KLF12: variants seen among roughly 807,000 people sequenced by gnomAD.
The protein encoded by KLF12 is Krueppel-like factor 12.
A neutral mutation model predicts 37.8 loss-of-function variants in KLF12; 9 were observed. The ratio of observed to expected loss-of-function variants is 0.24; its 90% CI spans 0.14 to 0.42. The LOEUF (loss-of-function observed/expected upper bound fraction) is 0.42. KLF12 is among the 10% of genes least tolerant of loss of function. The pLI is 1.00. For missense variants in KLF12, 411 were observed against 516.0 expected (o/e 0.80, Z 1.97); for synonymous variants, 208 against 202.1 (o/e 1.03, Z -0.25).
At chr13:74,281,535 T>C in the KLF12 span, among the ~76,000 whole-genome samples, 1 of 152,216 alleles carries the variant, frequency 6.6e-6, no homozygotes, top group East Asian at 1.9e-4. Flanking sequence ...GTAAGGTACA[T>C]TAATTGCTTT....
intron 7 of KLF12, among the ~76,000 whole-genome samples, chr13:73,700,106 T>C (rs1244051954): frequency 3.3e-5 from 5 of 151,736 alleles, no homozygotes; most frequent in Non-Finnish European, 7.4e-5. Flanking sequence ...CTTATGTCTA[T>C]CAAATAAATA....
intron 6 of KLF12, among the ~76,000 whole-genome samples, chr13:73,734,475 G>C (rs1461837157): frequency 6.6e-6 from 1 of 152,074 alleles, no homozygotes; most frequent in African/African-American, 2.4e-5. Context: ...AGGCAGGCAA[G>C]GTTATCTGTT....
At chr13:73,913,529 C>T (rs1888673205) in intron 3 of KLF12, among the ~76,000 whole-genome samples, 1 of 152,102 alleles carries the variant, frequency 6.6e-6, no homozygotes, top group Admixed American at 6.5e-5. Flanking sequence ...TCTTTCCTTC[C>T]TACCAATACA....
intron 2 of KLF12, among the ~76,000 whole-genome samples, chr13:73,985,950 A>C (rs1189461509): frequency 6.6e-6 from 1 of 152,208 alleles, no homozygotes; most frequent in African/African-American, 2.4e-5. Context: ...CTAGGTATTA[A>C]CTAAACTTTA....
chr13:73,701,033 GTCT>G (rs1874517782), intron 7 of KLF12, among the ~76,000 whole-genome samples: 1 of 152,190 alleles, frequency 6.6e-6, no homozygotes, highest in African/African-American at 2.4e-5. Flanking sequence ...GAACAGAATT[GTCT>G]TTTTTGTCTT....
chr13:73,886,719 C>T (rs891787338), intron 3 of KLF12, among the ~76,000 whole-genome samples: 2 of 152,162 alleles, frequency 1.3e-5, no homozygotes, highest in Admixed American at 6.5e-5. Context: ...AGGCCAGGCA[C>T]GGTGGCTCAC....
intron 3 of KLF12, among the ~76,000 whole-genome samples, chr13:73,858,408 C>G (rs1285252409): frequency 4.6e-5 from 7 of 152,154 alleles, no homozygotes; most frequent in Non-Finnish European, 1.0e-4. Context: ...TAACTGATAA[C>G]TGAAGGTATG....
chr13:73,858,234 C>G (rs1410623004), intron 3 of KLF12, among the ~76,000 whole-genome samples: 1 of 152,012 alleles, frequency 6.6e-6, no homozygotes, highest in African/African-American at 2.4e-5. Context: ...ATTTCTAGAT[C>G]CTAGTGAACA....
chr13:74,186,259 G>A, the KLF12 span, among the ~76,000 whole-genome samples: 3 of 151,990 alleles, frequency 2.0e-5, no homozygotes, highest in Admixed American at 2.0e-4. Flanking sequence ...TCTCTTCCTG[G>A]TGTATTCTCA....
At chr13:74,071,631 T>C (rs1402973820) in intron 1 of KLF12, among the ~76,000 whole-genome samples, 1 of 152,120 alleles carries the variant, frequency 6.6e-6, no homozygotes, top group Non-Finnish European at 1.5e-5. Context: ...AGGCGGAGCT[T>C]GCAGTGAGCC....
the KLF12 span, among the ~76,000 whole-genome samples, chr13:74,150,293 C>G: frequency 1.3e-5 from 2 of 152,192 alleles, no homozygotes; most frequent in Admixed American, 1.3e-4. Context: ...ATTTACTCAT[C>G]AATGGAGCAT....
At chr13:73,885,765 C>T (rs751949904) in intron 3 of KLF12, among the ~76,000 whole-genome samples, 1 of 152,116 alleles carries the variant, frequency 6.6e-6, no homozygotes, top group African/African-American at 2.4e-5. Context: ...GGGAGAAAAA[C>T]CTGGTACACA....
the KLF12 span, among the ~76,000 whole-genome samples, chr13:74,229,647 T>C: frequency 6.6e-6 from 1 of 152,176 alleles, no homozygotes; most frequent in Non-Finnish European, 1.5e-5. Context: ...AACTACTTCT[T>C]TTAGGTTGGA....
At chr13:74,146,534 G>A in the KLF12 span, among the ~76,000 whole-genome samples, 2 of 152,208 alleles carry the variant, frequency 1.3e-5, no homozygotes, top group Admixed American at 1.3e-4. Context: ...AAAGGATAAG[G>A]AGCAATGGTT....
the KLF12 span, among the ~76,000 whole-genome samples, chr13:74,202,740 G>A: frequency 6.6e-6 from 1 of 152,156 alleles, no homozygotes; most frequent in African/African-American, 2.4e-5. Flanking sequence ...TAATCTGCTA[G>A]ATGCTGCTGT....
chr13:74,013,374 G>A (rs1228008199), intron 1 of KLF12, among the ~76,000 whole-genome samples: 1 of 152,238 alleles, frequency 6.6e-6, no homozygotes, highest in East Asian at 1.9e-4. Flanking sequence ...AAGGCTGAAA[G>A]TGGCAGGGAC....
At chr13:74,199,389 G>A in the KLF12 span, among the ~76,000 whole-genome samples, 1 of 152,174 alleles carries the variant, frequency 6.6e-6, no homozygotes, top group Non-Finnish European at 1.5e-5. Context: ...TAGATAAAAT[G>A]TAGGAAATAA....
chr13:73,818,272 A>G (rs1883343449), intron 4 of KLF12, among the ~76,000 whole-genome samples: 1 of 152,222 alleles, frequency 6.6e-6, no homozygotes, highest in Non-Finnish European at 1.5e-5. Flanking sequence ...TGGCCTCCCA[A>G]GTAGCTGGGA....
intron 6 of KLF12, among the ~76,000 whole-genome samples, chr13:73,736,512 C>T (rs949670813): frequency 6.6e-6 from 1 of 152,176 alleles, no homozygotes; most frequent in Non-Finnish European, 1.5e-5. Flanking sequence ...TCCCCCATTA[C>T]TTCTCATAAT....
Sources: allele counts gnomAD v4.1 joint callset (sites outside exome capture counted in the v4.1 genomes callset), GRCh38; gene constraint gnomAD v4.1.1; transcripts MANE v1.5; gene names NCBI Gene and HGNC (gene_info 2026-07-23, HGNC 2026-07-21).